CELSR1: variants seen among roughly 807,000 people sequenced by gnomAD.
CELSR1 encodes cadherin EGF LAG seven-pass G-type receptor 1, also known as adhesion G protein-coupled receptor C1.
Under a neutral mutation model 249.1 loss-of-function variants are expected in CELSR1, and 110 were observed. The ratio of observed to expected loss-of-function variants is 0.44; its 90% confidence interval spans 0.38 to 0.52. The LOEUF is 0.52. Ranked by LOEUF, CELSR1 falls within the 20% of genes least tolerant of loss-of-function variation. CELSR1 has a pLI of 0.00. For missense variants in CELSR1, 4,109 were observed against 4,296.4 expected, an observed-to-expected ratio of 0.96 and a Z score of 1.22; for synonymous variants, 2,113 against 1,900.0, an observed-to-expected ratio of 1.11 and a Z score of -2.92.
chr22:46,394,984 C>A (rs1351206998), intron 13 of CELSR1, among the ~76,000 whole-genome samples: 2 of 152,214 alleles, frequency 1.3e-5, no homozygotes, highest in Admixed American at 6.5e-5. Flanking sequence ...GCCCACCTGC[C>A]TGCAACGGCC....
At position 46,506,160 on chromosome 22, in the gene CELSR1, C is replaced by T. The variant is rs2147748867; in HGVS notation, c.3544+27467G>A. On this transcript the variant is annotated intron_variant, in intron 1 of 34. Coordinates refer to ENST00000674500, the MANE Select transcript of CELSR1 (RefSeq NM_001378328.1). This position sits in a 1 kb window ranked among gnomAD's most constrained non-coding sequence, Gnocchi z 4.1. ...CACCATTGCAGTCCAGCCTGGGCGA[C>T]AGAGACTGTCTCCAAAAAAAAAAAA... 7.4e-6 allele frequency among the ~76,000 whole-genome samples: 1 copy of T among 135,230 alleles called. No individual in the cohort carries two copies. Among genetic ancestry groups the T allele is most frequent in the East Asian group, 2.1e-4 (1 of 4,786 alleles). The allele number at this position is 135,230 out of a possible 152,430, so 88.7% of individuals were successfully genotyped here.
rs905432699 is a variant in CELSR1 at position 46,441,343 on chromosome 22, C to T, written c.4184-1932G>A. Among the ~76,000 whole-genome samples, 2 of 152,048 alleles carry T rather than the reference C, an allele frequency of 1.3e-5. No homozygotes were observed. Among genetic ancestry groups the T allele is most frequent in the Non-Finnish European group, 2.9e-5 (2 of 68,024 alleles). The stretch of plus-strand genomic sequence containing the variant: ...TGGACAGGCACCTGCAATGTCCCCC[C>T]GAGAGGCCTCCAACCACGCTCCGGA... On this transcript the variant is annotated intron_variant, in intron 2 of 34. Transcript: ENST00000674500. This position sits in a 1 kb window ranked among gnomAD's most constrained non-coding sequence, Gnocchi z 6.1.
chr22:46,500,578 G>C lies in CELSR1; in HGVS notation c.3544+33049C>G, dbSNP rs2080456414. ...GGGGCGTCAATGACACCCATAACTT[G>C]TCACAGAAGAACAGAGGCCCGAGCT... On this transcript the variant is annotated intron_variant, in intron 1 of 34. Transcript: ENST00000674500. This position sits in a 1 kb window ranked among gnomAD's most constrained non-coding sequence, Gnocchi z 4.9. Among the ~76,000 whole-genome samples the C allele has an allele frequency of 6.6e-6, 1 of 152,190 alleles. No homozygotes were observed. Among genetic ancestry groups the C allele is most frequent in the Admixed American group, 6.5e-5 (1 of 15,282 alleles).
Position 46,535,315 on chromosome 22 carries a change from G to C in CELSR1, c.1856C>G (p.Pro619Arg), listed in dbSNP as rs113144281. The change falls in exon 1 of 35, where the codon CCT (proline) becomes CGT (arginine). Residue 619 changes from proline (P) to arginine (R), a missense_variant. Around this residue, in one of 7 missense-constraint regions of CELSR1, gnomAD observed 886 missense variants for 896.5 expected, o/e 0.99. Transcript: ENST00000674500. ...STFLGGGSAG[P>R]KNPAPTPDFP... is the part of the protein sequence containing the mutation. Reference sequence around the variant, plus strand: ...GTCAGGGGTGGGGGCAGGATTCTTAGGCCCAGCGCTGCCGCCCCCCAGAAA... The same window carrying C: ...GTCAGGGGTGGGGGCAGGATTCTTACGCCCAGCGCTGCCGCCCCCCAGAAA... 134 of 1,611,940 alleles carry C rather than the reference G, an allele frequency of 8.3e-5. No homozygotes were observed. The African/African-American group carries it at 1.5e-3, about 18-fold the overall frequency.
Position 46,433,296 on chromosome 22 carries a change from A to G in CELSR1, c.4611+97T>C, listed in dbSNP as rs573103902. 3.8e-5 allele frequency: 34 copies of G among 890,342 alleles called. No homozygotes were observed. The South Asian group carries it at 4.9e-4, about 13-fold the overall frequency. The allele number at this position is 890,342 out of a possible 1,614,324, so 55.2% of individuals were successfully genotyped here. ...GTAATCCACCTGCCTTGGCCTCTCA[A>G]AGTGCTGGGATTACAGGCGTGAGCC... On this transcript the variant is annotated intron_variant, in intron 5 of 34. Coordinates refer to ENST00000674500, the MANE Select transcript of CELSR1 (RefSeq NM_001378328.1). This position sits in a 1 kb window ranked among gnomAD's most constrained non-coding sequence, Gnocchi z 5.7.
rs902854340 is a variant in CELSR1 at position 46,430,952 on chromosome 22, A to C, written c.4611+2441T>G. Among the ~76,000 whole-genome samples the C allele has an allele frequency of 1.3e-5, 2 of 152,038 alleles. No individual in the cohort carries two copies. Among genetic ancestry groups the C allele is most frequent in the East Asian group, 1.9e-4 (1 of 5,186 alleles). On this transcript the variant is annotated intron_variant, in intron 5 of 34. Coordinates refer to ENST00000674500, the MANE Select transcript of CELSR1 (RefSeq NM_001378328.1). The surrounding 1 kb of genome is among the most constrained non-coding windows in gnomAD (Gnocchi z 4.6). ...AGTGTGTGGCCCCGTCAGACCTCCT[A>C]ATGGACGCCTGAAGACACAGTAAAA...
At position 46,535,037 on chromosome 22, in the gene CELSR1, G is replaced by C. The variant is rs192865476; in HGVS notation, c.2134C>G (p.Arg712Gly). 7.4e-6 allele frequency: 12 copies of C among 1,612,372 alleles called. No individual in the cohort carries two copies. The highest frequency in any genetic ancestry group is 1.7e-5 in the Admixed American group (1 of 60,000). ...VGSSVLTLQARDRDANSVITY... is the reference protein window; with the variant it reads ...VGSSVLTLQAGDRDANSVITY... ...ATCACACTGTTGGCGTCACGGTCGC[G>C]GGCCTGCAGGGTCAGCACGCTGCTC... Residue 712 changes from arginine to glycine, a missense_variant, in exon 1 of 35, where the codon CGC (arginine) becomes GGC (glycine). Coordinates refer to ENST00000674500, the MANE Select transcript of CELSR1 (RefSeq NM_001378328.1).
chr22:46,534,525 G>A lies in CELSR1; in HGVS notation c.2646C>T (p.Ile882=), dbSNP rs2080828660. Residue 882 remains isoleucine, a synonymous_variant, in exon 1 of 35, where the codon ATC becomes ATT. Coordinates refer to ENST00000674500, the MANE Select transcript of CELSR1 (RefSeq NM_001378328.1). This position sits in a 1 kb window ranked among gnomAD's most constrained non-coding sequence, Gnocchi z 9.7. The part of the protein sequence containing the change: ...KSDTTTLEIL[I]LDANDNAPQF... ...GGGGTGCATTGTCATTGGCATCGAG[G>A]ATGAGGATCTCTAGGGTGGTGGTGT... 4.3e-6 allele frequency: 7 copies of A among 1,613,530 alleles called. No homozygotes were observed. The highest frequency in any genetic ancestry group is 5.9e-6 in the Non-Finnish European group (7 of 1,180,032).
At chr22:46,489,983 G>T (rs1158358732) in intron 1 of CELSR1, among the ~76,000 whole-genome samples, 1 of 151,994 alleles carries the variant, frequency 6.6e-6, no homozygotes, top group East Asian at 1.9e-4. Context: ...TGCCCAGCCT[G>T]GTTAGTGGGA....
rs2078822195 is a variant in CELSR1, at chr22:46,369,171, C to T, written c.7952+8G>A. ...CATGGCTGGCCGGTCAGGTTCAGCC[C>T]CACTTACACGATCCCTTTTTTCCCA... is the stretch of plus-strand genomic sequence containing the variant. On this transcript the variant is annotated splice_region_variant and intron_variant, in intron 27 of 34. Transcript: ENST00000674500. 6.2e-7 allele frequency: 1 copy of T among 1,613,796 alleles called. No individual in the cohort carries two copies. The highest frequency in any genetic ancestry group is 1.1e-5 in the South Asian group (1 of 91,082).
rs751511031 is a variant in CELSR1 at position 46,384,702 on chromosome 22, C to T, written c.6740-16G>A. ...ACAGCAAGAACTGGGGGGACAGTTC[C>T]TTTAATCAGACATAACTCCCAGGGC... is the stretch of plus-strand genomic sequence containing the variant. On this transcript the variant is annotated splice_polypyrimidine_tract_variant and intron_variant, in intron 19 of 34. Transcript: ENST00000674500. The T allele has an allele frequency of 1.9e-6, 3 of 1,607,312 alleles. No individual in the cohort carries two copies. The Admixed American group carries it at 5.1e-5, about 27-fold the overall frequency.
chr22:46,509,053 A>T (rs998668583), intron 1 of CELSR1, among the ~76,000 whole-genome samples: 2 of 152,184 alleles, frequency 1.3e-5, no homozygotes, highest in African/African-American at 2.4e-5. Context: ...TAAAGGCGTC[A>T]TCATCACACG....
At chr22:46,443,745 C>A (rs1486523064) in intron 2 of CELSR1, among the ~76,000 whole-genome samples, 3 of 152,264 alleles carry the variant, frequency 2.0e-5, no homozygotes, top group African/African-American at 7.2e-5. Flanking sequence ...TACCTGCACA[C>A]CCAGCTGCAC....
At chr22:46,457,251 C>T (rs1602162746) in intron 2 of CELSR1, among the ~76,000 whole-genome samples, 1 of 151,724 alleles carries the variant, frequency 6.6e-6, no homozygotes, top group South Asian at 2.1e-4. Flanking sequence ...AGGCTGAGGC[C>T]GGAGAATTAC....
chr22:46,499,074 G>A (rs112735774), intron 1 of CELSR1, among the ~76,000 whole-genome samples: 40 of 151,994 alleles, frequency 2.6e-4, no homozygotes, highest in African/African-American at 7.2e-4. Context: ...CAGCTACTCC[G>A]GAGACTGAGG....
intron 18 of CELSR1, among the ~76,000 whole-genome samples, chr22:46,387,266 A>G (rs929996327): frequency 3.3e-5 from 5 of 152,244 alleles, no homozygotes; most frequent in Admixed American, 6.5e-5. Context: ...ACTACATGAC[A>G]TATATTAATT....
chr22:46,401,608 C>T lies in CELSR1; in HGVS notation c.5227-1706G>A, dbSNP rs182833017. Among the ~76,000 whole-genome samples the T allele has an allele frequency of 1.2e-3, 183 of 152,284 alleles. 1 individual carries two copies. The highest frequency in any genetic ancestry group is 2.1e-3 in the Non-Finnish European group (140 of 68,036). On this transcript the variant is annotated intron_variant, in intron 9 of 34. Transcript: ENST00000674500. The surrounding 1 kb of genome is among the most constrained non-coding windows in gnomAD (Gnocchi z 4.7). Reference sequence around the variant, plus strand: ...TCAGCCCTATCAGCAGGTGGTACGACGCTCCATCAGTCGCCTGTGACCTAG... The same window carrying T: ...TCAGCCCTATCAGCAGGTGGTACGATGCTCCATCAGTCGCCTGTGACCTAG...
Position 46,410,920 on chromosome 22 carries a change from A to G in CELSR1, c.4770-359T>C, listed in dbSNP as rs1367182817. Among the ~76,000 whole-genome samples, 1 of 152,090 alleles carries G rather than the reference A, an allele frequency of 6.6e-6. No individual in the cohort carries two copies. The highest frequency in any genetic ancestry group is 1.5e-5 in the Non-Finnish European group (1 of 68,024). On this transcript the variant is annotated intron_variant, in intron 6 of 34. Coordinates refer to ENST00000674500, the MANE Select transcript of CELSR1 (RefSeq NM_001378328.1). This position sits in a 1 kb window ranked among gnomAD's most constrained non-coding sequence, Gnocchi z 6.8. ...GCCTCTGAGACCTTCTAGGAAAAGG[A>G]AGGGCCTTGAAAGGAGGCCAGAAGA...
chr22:46,452,589 G>A (rs747257287), intron 2 of CELSR1, among the ~76,000 whole-genome samples: 5 of 152,186 alleles, frequency 3.3e-5, no homozygotes, highest in African/African-American at 4.8e-5. Flanking sequence ...ACCCCATCTC[G>A]ACTCCCCCTG....
Sources: gnomAD v4.1 joint callset for allele counts (sites outside exome capture counted in the v4.1 genomes callset) on GRCh38, gnomAD v4.1.1 for gene constraint, gnomAD v4.1.1 regional missense constraint, Gnocchi (gnomAD v3.1) non-coding constraint, MANE v1.5 for transcripts, NCBI Gene and HGNC (gene_info 2026-07-23, HGNC 2026-07-21) for gene names.